Variants in GNE observed in about 807,000 individuals in gnomAD.
GNE encodes the protein bifunctional UDP-N-acetylglucosamine 2-epimerase/N-acetylmannosamine kinase.
In GNE, 41 loss-of-function variants were observed where a neutral mutation model predicts 61.8. The ratio of observed to expected loss-of-function variants is 0.66; its 90% CI spans 0.52 to 0.86. GNE has a LOEUF of 0.86. Ranked by LOEUF, GNE falls within the 40% of genes least tolerant of loss-of-function variation. The pLI is 0.00. For synonymous variants in GNE, 264 were observed against 326.4 expected, an observed-to-expected ratio of 0.81 and a Z score of 2.06; for missense variants, 608 against 909.1, an observed-to-expected ratio of 0.67 and a Z score of 4.26.
In GNE at chr9:36,223,426, C is replaced by T; in HGVS notation, c.1358G>A (p.Cys453Tyr). 1 of 1,612,734 alleles carries T rather than the reference C, an allele frequency of 6.2e-7. No individual in the cohort carries two copies. Among genetic ancestry groups the T allele is most frequent in the South Asian group, 1.1e-5 (1 of 91,054 alleles). The change falls in exon 8 of 12, where the codon TGT becomes TAT. Residue 453 changes from cysteine (C) to tyrosine (Y), a missense_variant. Transcript: ENST00000642385. ...TACAGCTTCTGCTGCAGCTTCCACA[C>T]ACATCTGTAGGATTAAATTAATCCT... ...EERINLILQM[C>Y]VEAAAEAVKL...
intron 1 of GNE, among the ~76,000 whole-genome samples, chr9:36,273,413 C>A (rs1369585730): frequency 1.3e-5 from 2 of 151,710 alleles, no homozygotes; most frequent in East Asian, 3.9e-4. Context: ...GACGGGGTTT[C>A]GACATGTTGG....
At chr9:36,260,979 T>C (rs1303637309), upstream of GNE, among the ~76,000 whole-genome samples, 1 of 151,662 alleles carries the variant, frequency 6.6e-6, no homozygotes, top group East Asian at 1.9e-4. Flanking sequence ...AAGGTGTCAG[T>C]TGGGTTGCCT....
rs1428748669 is a variant in GNE at position 36,214,734 on chromosome 9, A to G, written c.*2631T>C. 6.6e-6 allele frequency: 1 copy of G among 152,188 alleles called. No individual in the cohort carries two copies. The highest frequency in any genetic ancestry group is 1.5e-5 in the Non-Finnish European group (1 of 68,028). The allele number at this position is 152,188 out of a possible 1,614,324, so 9.4% of individuals were successfully genotyped here. The stretch of plus-strand genomic sequence containing the variant: ...AACAGATGTCCCTTCCCAGAACATT[A>G]TCTCACCCCAGACTCAGAAACTGAG... On this transcript the variant is annotated 3_prime_UTR_variant, in exon 12 of 12. Coordinates refer to ENST00000642385, the MANE Select transcript of GNE (RefSeq NM_005476.7).
chr9:36,233,941 G>A lies in GNE; in HGVS notation c.961C>T (p.Arg321Cys), dbSNP rs1554661030. The A allele has an allele frequency of 6.2e-7, 1 of 1,613,528 alleles. No homozygotes were observed. The highest frequency in any genetic ancestry group is 8.5e-7 in the Non-Finnish European group (1 of 1,179,498). The stretch of plus-strand genomic sequence containing the variant: ...ATACCTGTTTCTCTTCCAATCTGAC[G>A]TGTTCCCAGGTTGATCACAGGTGTT... ...FGTPVINLGT[R>C]QIGRETGENV... Residue 321 changes from arginine (R) to cysteine (C), a missense_variant, in exon 5 of 12, where the codon CGT becomes TGT. By Grantham distance (180) the Arg-to-Cys change is radical. Coordinates refer to ENST00000642385, the MANE Select transcript of GNE (RefSeq NM_005476.7).
intron 9 of GNE, among the ~76,000 whole-genome samples, chr9:36,222,057 G>A (rs1828610008): frequency 1.3e-5 from 2 of 152,068 alleles, no homozygotes; most frequent in South Asian, 4.1e-4. Flanking sequence ...CACCTCAAAG[G>A]GCCTGCTTTC....
At chr9:36,269,664 C>CTTT (rs71336438) in intron 1 of GNE, among the ~76,000 whole-genome samples, 9,908 of 134,192 alleles carry the variant, frequency 0.074, 1,156 homozygotes, top group African/African-American at 0.23. Flanking sequence ...TTTCTTCTTT[C>CTTT]TTTTTTTTTT....
chr9:36,223,098 A>G, intron 8 of GNE, 100 bp from the exon 9 acceptor site: 1 of 1,124,600 alleles, frequency 8.9e-7, no homozygotes, highest in South Asian at 1.2e-5. Context: ...TTCACCCCAG[A>G]TCTCCTAAGA....
rs952381765 is a variant in GNE, at chr9:36,218,360, C to G, written c.1817-61G>C. ...AGCTGTGGGGAGGCCAAGCTCACCA[C>G]TGGGCCTGTGGAAAGCAAGCCCCTA... On this transcript the variant is annotated intron_variant, in intron 10 of 11. Coordinates refer to ENST00000642385, the MANE Select transcript of GNE (RefSeq NM_005476.7). The surrounding 1 kb of genome is among the most constrained non-coding windows in gnomAD (Gnocchi z 4.1). The G allele has an allele frequency of 1.6e-6, 2 of 1,214,944 alleles. No homozygotes were observed. Among genetic ancestry groups the G allele is most frequent in the African/African-American group, 3.0e-5 (2 of 67,400 alleles). 75.3% of individuals were successfully genotyped at this position (1,214,944 alleles called of 1,614,324 possible).
chr9:36,216,374 C>G lies in GNE; in HGVS notation c.*991G>C, dbSNP rs1563924329. The G allele has an allele frequency of 9.4e-6, 2 of 213,132 alleles. No individual in the cohort carries two copies. Among genetic ancestry groups the G allele is most frequent in the Non-Finnish European group, 1.9e-5 (2 of 104,496 alleles). 13.2% of individuals were successfully genotyped at this position (213,132 alleles called of 1,614,324 possible). On this transcript the variant is annotated 3_prime_UTR_variant, in exon 12 of 12. Transcript: ENST00000642385. ...GTGTGTAGACGGAGTCTCGCTCTGT[C>G]ACCCAGGGTGGAGTGCAGTGGCATG...
intron 10 of GNE, 102 bp downstream of exon 10, chr9:36,219,736 G>T: frequency 1.9e-6 from 2 of 1,061,954 alleles, no homozygotes; most frequent in Non-Finnish European, 2.9e-6. Flanking sequence ...AAGTGAAAAG[G>T]GGGAAACTTC....
rs773336897 is a variant in GNE, at chr9:36,223,467, A to G, written c.1317T>C (p.Pro439=). 2.5e-6 allele frequency: 4 copies of G among 1,610,478 alleles called. No homozygotes were observed. Among genetic ancestry groups the G allele is most frequent in the Non-Finnish European group, 2.5e-6 (3 of 1,177,154 alleles). ...AATTAATCCTCTCTTCATAGGTTTTAGGATTGAACTGAGTATACTTCTTAA... is the reference window on the plus strand; with the variant it reads ...AATTAATCCTCTCTTCATAGGTTTTGGGATTGAACTGAGTATACTTCTTAA... ...EIVKKYTQFN[P]KTYEERINLI... is the part of the protein sequence containing the mutation. The change falls in exon 8 of 12, where the codon CCT becomes CCC. Residue 439 remains proline (P), a synonymous_variant. Coordinates refer to ENST00000642385, the MANE Select transcript of GNE (RefSeq NM_005476.7).
chr9:36,248,435 C>T (rs2133123079), intron 2 of GNE, among the ~76,000 whole-genome samples: 1 of 152,050 alleles, frequency 6.6e-6, no homozygotes, highest in East Asian at 1.9e-4. Context: ...CTGCCTCAGC[C>T]TCCCGAGTAG....
chr9:36,244,777 A>T (rs977508924), intron 3 of GNE, among the ~76,000 whole-genome samples: 3 of 150,330 alleles, frequency 2.0e-5, no homozygotes, highest in South Asian at 2.1e-4. Flanking sequence ...CTCTACTAAA[A>T]ATACAAAAAA....
intron 5 of GNE, 35 bp downstream of exon 5, chr9:36,233,885 G>T: frequency 6.8e-7 from 1 of 1,469,442 alleles, no homozygotes; most frequent in African/African-American, 1.4e-5. Flanking sequence ...TATGTATAAA[G>T]CCTAGTCAGT....
In GNE at chr9:36,220,022, T is replaced by G; in HGVS notation, c.1634-2A>C. 1 of 1,612,956 alleles carries G rather than the reference T, an allele frequency of 6.2e-7. No individual in the cohort carries two copies. Among genetic ancestry groups the G allele is most frequent in the East Asian group, 2.2e-5 (1 of 44,880 alleles). On this transcript the variant is annotated splice_acceptor_variant, in intron 9 of 11. Coordinates refer to ENST00000642385, the MANE Select transcript of GNE (RefSeq NM_005476.7). LOFTEE classifies it high-confidence loss of function. ...GATGGATAATTCCACCACCGATTCC[T>G]ACAGCGAGGGATAGAAATCACTGAG...
chr9:36,250,822 A>G (rs1830081921), intron 1 of GNE, among the ~76,000 whole-genome samples: 1 of 152,204 alleles, frequency 6.6e-6, no homozygotes, highest in African/African-American at 2.4e-5. Flanking sequence ...CTGGGATTAT[A>G]GGTGCCCACC....
chr9:36,218,884 T>G lies in GNE; in HGVS notation c.1817-585A>C, dbSNP rs532763915. 2.6e-5 allele frequency among the ~76,000 whole-genome samples: 4 copies of G among 152,322 alleles called. No homozygotes were observed. Among genetic ancestry groups the G allele is most frequent in the Admixed American group, 1.3e-4 (2 of 15,310 alleles). ...ACGGAATGAGATCATGGACATAAAG[T>G]ATTTAGTTAAGTGCTGGCCACAGTA... On this transcript the variant is annotated intron_variant, in intron 10 of 11. Coordinates refer to ENST00000642385, the MANE Select transcript of GNE (RefSeq NM_005476.7). The surrounding 1 kb of genome is among the most constrained non-coding windows in gnomAD (Gnocchi z 4.1).
At chr9:36,275,449 A>G (rs1201300117) in intron 1 of GNE, among the ~76,000 whole-genome samples, 1 of 152,236 alleles carries the variant, frequency 6.6e-6, no homozygotes, top group Admixed American at 6.5e-5. Context: ...ATTGGAAAAG[A>G]TAATTGAATT....
At chr9:36,231,564 G>T (rs1275152389) in intron 5 of GNE, among the ~76,000 whole-genome samples, 1 of 152,162 alleles carries the variant, frequency 6.6e-6, no homozygotes, top group Non-Finnish European at 1.5e-5. Context: ...CAACTTTCAG[G>T]TCTTGCCTTT....
Sources: allele counts gnomAD v4.1 joint callset (sites outside exome capture counted in the v4.1 genomes callset), GRCh38; gene constraint gnomAD v4.1.1; non-coding constraint Gnocchi (gnomAD v3.1); transcripts MANE v1.5; gene names NCBI Gene and HGNC (gene_info 2026-07-23, HGNC 2026-07-21).